The following ATL1 variants were observed in gnomAD, a reference collection of about 807,000 sequenced individuals.
ATL1 encodes the protein atlastin GTPase 1.
Under a neutral mutation model 75.5 loss-of-function variants are expected in ATL1, and 31 were observed. The ratio of observed to expected loss-of-function variants is 0.41; its 90% CI spans 0.31 to 0.55. The LOEUF (loss-of-function observed/expected upper bound fraction) is 0.55. Ranked by LOEUF, ATL1 falls within the 20% of genes least tolerant of loss-of-function variation. The pLI, the probability that ATL1 is intolerant of heterozygous loss-of-function variation, is 0.27. For synonymous variants in ATL1, 226 were observed against 233.3 expected, an observed-to-expected ratio of 0.97 and a Z score of 0.28; for missense variants, 405 against 662.6, an observed-to-expected ratio of 0.61 and a Z score of 4.27.
At chr14:50,546,546 TAAAC>T (rs1052115457) in intron 1 of ATL1, among the ~76,000 whole-genome samples, 16 of 152,232 alleles carry the variant, frequency 1.1e-4, no homozygotes, top group African/African-American at 3.6e-4. Context: ...TAATCTTTAA[TAAAC>T]AAGCTGGATT....
At chr14:50,544,854 A>G (rs1371038841) in intron 1 of ATL1, among the ~76,000 whole-genome samples, 2 of 147,730 alleles carry the variant, frequency 1.4e-5, no homozygotes, top group Non-Finnish European at 3.0e-5. Context: ...GGAGGATTGC[A>G]TGAGCCTGGG....
chr14:50,585,701 G>A (rs576881759), intron 1 of ATL1, among the ~76,000 whole-genome samples: 1 of 152,210 alleles, frequency 6.6e-6, no homozygotes, highest in East Asian at 1.9e-4. Context: ...TTTTTAAAAT[G>A]GAGCATAGTG....
chr14:50,562,326 G>T (rs986967059), intron 1 of ATL1, among the ~76,000 whole-genome samples: 1 of 152,148 alleles, frequency 6.6e-6, no homozygotes, highest in Non-Finnish European at 1.5e-5. Flanking sequence ...TTACAGGAGC[G>T]AGCCACCATT....
chr14:50,613,175 C>G, intron 6 of ATL1, 84 bp from the exon 7 acceptor site: 2 of 975,070 alleles, frequency 2.1e-6, no homozygotes, highest in Non-Finnish European at 3.3e-6. Context: ...ATTCAAATGA[C>G]AGTGATATTA....
intron 1 of ATL1, among the ~76,000 whole-genome samples, chr14:50,562,552 G>A (rs140655265): frequency 2.2e-4 from 34 of 152,252 alleles, no homozygotes; most frequent in Non-Finnish European, 4.4e-4. Flanking sequence ...TGGTCTTTAG[G>A]TGTTACTTTG....
At chr14:50,603,623 C>T (rs1489820608) in intron 6 of ATL1, among the ~76,000 whole-genome samples, 1 of 152,054 alleles carries the variant, frequency 6.6e-6, no homozygotes. Context: ...ACCCTTTATT[C>T]CCATGATTTG....
intron 1 of ATL1, among the ~76,000 whole-genome samples, chr14:50,545,978 C>G (rs185276636): frequency 3.0e-4 from 45 of 152,270 alleles, no homozygotes; most frequent in African/African-American, 1.0e-3. Flanking sequence ...TCTTTTCTGC[C>G]TGCTTTGAAT....
At chr14:50,629,961 TTTC>T (rs781635094) in intron 12 of ATL1, 31 bp from the exon 13 acceptor site, 9 of 1,542,524 alleles carry the variant, frequency 5.8e-6, no homozygotes, top group African/African-American at 2.8e-5. Flanking sequence ...GATATATACT[TTTC>T]TTTTTTCTTT....
chr14:50,626,445 C>T (rs2039521285), intron 11 of ATL1, among the ~76,000 whole-genome samples: 1 of 152,160 alleles, frequency 6.6e-6, no homozygotes, highest in Non-Finnish European at 1.5e-5. Context: ...ATGTGTGGTG[C>T]AAACAGCAAG....
At chr14:50,552,278 A>T (rs1374665518) in intron 1 of ATL1, among the ~76,000 whole-genome samples, 1 of 151,898 alleles carries the variant, frequency 6.6e-6, no homozygotes, top group Non-Finnish European at 1.5e-5. Flanking sequence ...AAAAAAAATT[A>T]ATTAAATAAA....
At chr14:50,605,176 A>ATTTTTTT (rs879518564) in intron 6 of ATL1, among the ~76,000 whole-genome samples, 1 of 145,890 alleles carries the variant, frequency 6.9e-6, no homozygotes, top group African/African-American at 2.5e-5. Context: ...AAGATTCTTC[A>ATTTTTTT]TTTTTTTTTT....
intron 6 of ATL1, among the ~76,000 whole-genome samples, chr14:50,607,329 G>A (rs1171263890): frequency 2.0e-5 from 3 of 152,098 alleles, no homozygotes; most frequent in African/African-American, 7.2e-5. Context: ...CTCTGCTGGT[G>A]AGGCATAGTC....
chr14:50,557,665 A>G (rs938608063), upstream of ATL1, among the ~76,000 whole-genome samples: 1 of 152,178 alleles, frequency 6.6e-6, no homozygotes, highest in African/African-American at 2.4e-5. Flanking sequence ...GTATGTTTAT[A>G]TTTTCATACT....
chr14:50,587,880 A>AAG lies in ATL1; in HGVS notation c.84_85insAG (p.Val29ArgfsTer2). ...AATGGAGCTCAGAAGAGGAGGAGCC[A>AAG]GTGAAAAAGGCAGGACCAGTCCAAG... is the stretch of plus-strand genomic sequence containing the variant. On this transcript the variant is annotated frameshift_variant, in exon 2 of 14. Transcript: ENST00000358385. LOFTEE classifies it high-confidence loss of function. 1 of 1,613,992 alleles carries AAG rather than the reference A, an allele frequency of 6.2e-7. No homozygotes were observed. Among genetic ancestry groups the AAG allele is most frequent in the Non-Finnish European group, 8.5e-7 (1 of 1,179,998 alleles).
Position 50,614,354 on chromosome 14 carries a change from TC to T in ATL1, c.724-18del, listed in dbSNP as rs2039394609. 1 of 1,613,736 alleles carries T rather than the reference TC, an allele frequency of 6.2e-7. No individual in the cohort carries two copies. The highest frequency in any genetic ancestry group is 8.5e-7 in the Non-Finnish European group (1 of 1,179,734). On this transcript the variant is annotated intron_variant, in intron 7 of 13. Transcript: ENST00000358385. ...ATTTGTGATGAAAGTAGTTTAAACT[TC>T]AGAATGATTTACTGCAGGTCTCAGG... is the stretch of plus-strand genomic sequence containing the variant.
At chr14:50,593,999 C>A in intron 5 of ATL1, 103 bp downstream of exon 5, 1 of 901,588 alleles carries the variant, frequency 1.1e-6, no homozygotes, top group Non-Finnish European at 1.8e-6. Context: ...TCTGATTCTG[C>A]TGTTTAAACA....
At chr14:50,555,578 C>T (rs995136172), upstream of ATL1, among the ~76,000 whole-genome samples, 1 of 152,220 alleles carries the variant, frequency 6.6e-6, no homozygotes, top group African/African-American at 2.4e-5. Context: ...GCCACCGTGG[C>T]CAGCCAGTTC....
intron 11 of ATL1, among the ~76,000 whole-genome samples, chr14:50,625,181 A>G (rs967489653): frequency 2.6e-5 from 4 of 152,250 alleles, no homozygotes; most frequent in African/African-American, 7.2e-5. Context: ...TAGAAAATCA[A>G]AACAGCCACA....
chr14:50,612,797 C>A (rs888573157), intron 6 of ATL1, among the ~76,000 whole-genome samples: 1 of 152,078 alleles, frequency 6.6e-6, no homozygotes, highest in Non-Finnish European at 1.5e-5. Flanking sequence ...ACTCTGCTAT[C>A]TAGTTTGAAC....
Sources: gnomAD v4.1 joint callset for allele counts (sites outside exome capture counted in the v4.1 genomes callset) on GRCh38, gnomAD v4.1.1 for gene constraint, MANE v1.5 for transcripts, NCBI Gene and HGNC (gene_info 2026-07-23, HGNC 2026-07-21) for gene names.